The following BRSK2 variants were observed in gnomAD, a reference collection of about 807,000 sequenced individuals.
The protein encoded by BRSK2 is serine/threonine-protein kinase BRSK2.
In BRSK2, 19 loss-of-function variants were observed where a neutral mutation model predicts 83.3. That is an observed-to-expected ratio of 0.23 (90% confidence interval 0.16 to 0.33). The LOEUF is 0.33. Among genes scored for constraint, BRSK2 ranks in the 10% least tolerant of loss-of-function variants. The pLI is 1.00. For missense variants in BRSK2, 798 were observed against 1,042.3 expected (o/e 0.77, Z 3.23); for synonymous variants, 519 against 435.4 (o/e 1.19, Z -2.39).
chr11:1,393,576 A>G (rs61867613), intron 1 of BRSK2, among the ~76,000 whole-genome samples: 5,864 of 152,314 alleles, frequency 0.038, 152 homozygotes, highest in South Asian at 0.068. Context: ...GGAGGGACCT[A>G]GGCTGCCAGG....
At chr11:1,397,105 C>T (rs1432068736) in intron 1 of BRSK2, among the ~76,000 whole-genome samples, 1 of 152,256 alleles carries the variant, frequency 6.6e-6, no homozygotes, top group African/African-American at 2.4e-5. Context: ...GCCACCTCCT[C>T]TGTGCAGGGC....
At chr11:1,399,133 C>T (rs745876660) in intron 1 of BRSK2, among the ~76,000 whole-genome samples, 8 of 152,200 alleles carry the variant, frequency 5.3e-5, no homozygotes, top group African/African-American at 9.7e-5. Flanking sequence ...GCCACAGAGC[C>T]GTTGTGACTG....
intron 1 of BRSK2, among the ~76,000 whole-genome samples, chr11:1,396,426 G>A (rs545232717): frequency 3.6e-4 from 55 of 152,308 alleles, no homozygotes; most frequent in East Asian, 7.7e-4. Context: ...CCGAGTCTGC[G>A]GAGTGACCCC....
At chr11:1,421,422 T>C (rs1333298520) in intron 1 of BRSK2, among the ~76,000 whole-genome samples, 1 of 152,038 alleles carries the variant, frequency 6.6e-6, no homozygotes, top group African/African-American at 2.4e-5. Context: ...TGGTCCCCAG[T>C]GGGAGCTGCA....
chr11:1,398,027 C>A (rs1846228669), intron 1 of BRSK2, among the ~76,000 whole-genome samples: 1 of 152,200 alleles, frequency 6.6e-6, no homozygotes, highest in African/African-American at 2.4e-5. Context: ...CCTGCATGAT[C>A]CCCGTGATAC....
At chr11:1,453,121 C>G (rs938145750) in intron 15 of BRSK2, among the ~76,000 whole-genome samples, 1 of 152,328 alleles carries the variant, frequency 6.6e-6, no homozygotes, top group South Asian at 2.1e-4. Flanking sequence ...GAGGAAGGGT[C>G]CCCCGCCAGA....
chr11:1,450,377 C>G (rs1845671404), intron 13 of BRSK2, among the ~76,000 whole-genome samples: 1 of 152,156 alleles, frequency 6.6e-6, no homozygotes, highest in South Asian at 2.1e-4. Context: ...CCCCAAGACC[C>G]AGACCTTGCC....
At chr11:1,392,660 C>T (rs188644565) in intron 1 of BRSK2, among the ~76,000 whole-genome samples, 20 of 152,246 alleles carry the variant, frequency 1.3e-4, no homozygotes, top group East Asian at 1.2e-3. Flanking sequence ...GGAGTCTGGC[C>T]GTGTGGGGAG....
At chr11:1,403,542 A>T (rs528254762) in intron 1 of BRSK2, among the ~76,000 whole-genome samples, 32 of 152,230 alleles carry the variant, frequency 2.1e-4, no homozygotes, top group African/African-American at 7.2e-4. Context: ...GCTGCGGAGG[A>T]GGGGCCCAGG....
At position 1,445,785 on chromosome 11, in the gene BRSK2, G is replaced by T; in HGVS notation, c.1104G>T (p.Pro368=). Residue 368 remains proline, a synonymous_variant, in exon 12 of 20, where the codon CCG becomes CCT. Coordinates refer to ENST00000528841, the MANE Select transcript of BRSK2 (RefSeq NM_001256627.2). ...CTCCCCGGAAGCGTGTGGACTCCCC[G>T]ATGCTGAACCGGCACGGCAAGCGGC... ...IDPPRKRVDS[P]MLNRHGKRRP... The T allele has an allele frequency of 1.2e-6, 2 of 1,612,370 alleles. No homozygotes were observed. The highest frequency in any genetic ancestry group is 8.5e-7 in the Non-Finnish European group (1 of 1,179,620).
chr11:1,459,758 C>G (rs1303173907), intron 19 of BRSK2, among the ~76,000 whole-genome samples: 1 of 152,202 alleles, frequency 6.6e-6, no homozygotes, highest in East Asian at 1.9e-4. Context: ...CAGGACTGCC[C>G]CCATCCCAGG....
rs1488955466 is a variant in BRSK2, at chr11:1,390,111, T to TGGACGCGGAGGGCGGCGGCGC, written c.-166_-165insAGGGCGGCGGCGCGGACGCGG. The TGGACGCGGAGGGCGGCGGCGC allele has an allele frequency of 4.6e-5, 7 of 153,332 alleles. No homozygotes were observed. Among genetic ancestry groups the TGGACGCGGAGGGCGGCGGCGC allele is most frequent in the African/African-American group, 1.7e-4 (7 of 40,300 alleles). 9.5% of individuals were successfully genotyped at this position (153,332 alleles called of 1,614,324 possible). ...CAGGCCTCGGACTGCCGCGTCGGAG[T>TGGACGCGGAGGGCGGCGGCGC]GGACGCGGGGGGCGGCGGCGCGGGC... On this transcript the variant is annotated 5_prime_UTR_variant, in exon 1 of 20. Transcript: ENST00000528841. This position sits in a 1 kb window ranked among gnomAD's most constrained non-coding sequence, Gnocchi z 6.8.
intron 2 of BRSK2, among the ~76,000 whole-genome samples, chr11:1,437,247 GC>G (rs1218101557): frequency 6.6e-6 from 1 of 152,140 alleles, no homozygotes; most frequent in Non-Finnish European, 1.5e-5. Flanking sequence ...CAGGCGCTGT[GC>G]ACAGATGTCC....
chr11:1,401,164 G>A (rs966213041), intron 1 of BRSK2, among the ~76,000 whole-genome samples: 5 of 152,220 alleles, frequency 3.3e-5, no homozygotes, highest in African/African-American at 9.6e-5. Context: ...TGCCCACTCC[G>A]CAGGCCTCTA....
At position 1,412,942 on chromosome 11, in the gene BRSK2, A is replaced by G. The variant is rs182399375; in HGVS notation, c.91+22567A>G. ...GACCGCCCATGGCCTCCCACCGTGCACGCCCTTTCTGACTGCTGTAGGCCT... is the reference window on the plus strand; with the variant it reads ...GACCGCCCATGGCCTCCCACCGTGCGCGCCCTTTCTGACTGCTGTAGGCCT... On this transcript the variant is annotated intron_variant, in intron 1 of 19. Coordinates refer to ENST00000528841, the MANE Select transcript of BRSK2 (RefSeq NM_001256627.2). Among the ~76,000 whole-genome samples, 1,372 of 152,218 alleles carry G rather than the reference A, an allele frequency of 9.0e-3. 18 individuals carry two copies. Among genetic ancestry groups the G allele is most frequent in the African/African-American group, 0.031 (1,279 of 41,524 alleles).
intron 18 of BRSK2, among the ~76,000 whole-genome samples, chr11:1,458,740 A>G (rs1590720835): frequency 6.6e-6 from 1 of 152,284 alleles, no homozygotes; most frequent in East Asian, 1.9e-4. Context: ...CAGGCCCAGC[A>G]GTAGGGAAGA....
chr11:1,421,848 G>C (rs969038166), intron 1 of BRSK2, among the ~76,000 whole-genome samples: 1 of 152,154 alleles, frequency 6.6e-6, no homozygotes, highest in African/African-American at 2.4e-5. Flanking sequence ...GGCCCCTCTC[G>C]GGGCAGGTGG....
chr11:1,438,436 G>T lies in BRSK2; in HGVS notation c.272+45G>T, dbSNP rs1352657823. ...AAGAGCTGGGGTGGCGGAGGTGGCA[G>T]CTGTCGCTGCAGGGGTGGGTGTCTG... On this transcript the variant is annotated intron_variant, in intron 3 of 19. Transcript: ENST00000528841. The surrounding 1 kb of genome is among the most constrained non-coding windows in gnomAD (Gnocchi z 6.4). The T allele has an allele frequency of 6.3e-7, 1 of 1,574,954 alleles. No homozygotes were observed. The highest frequency in any genetic ancestry group is 8.7e-7 in the Non-Finnish European group (1 of 1,145,938).
intron 16 of BRSK2, among the ~76,000 whole-genome samples, chr11:1,455,176 G>A (rs897350407): frequency 1.3e-5 from 2 of 152,112 alleles, no homozygotes; most frequent in South Asian, 2.1e-4. Context: ...GAGCAGAAAG[G>A]CCCTAAAAGC....
Sources: gnomAD v4.1 joint callset for allele counts (sites outside exome capture counted in the v4.1 genomes callset) on GRCh38, gnomAD v4.1.1 for gene constraint, Gnocchi (gnomAD v3.1) non-coding constraint, MANE v1.5 for transcripts, NCBI Gene and HGNC (gene_info 2026-07-23, HGNC 2026-07-21) for gene names.